Variants in SLC30A9 observed in about 807,000 individuals in gnomAD.
SLC30A9 encodes solute carrier family 30 member 9, also known as proton-coupled zinc antiporter SLC30A9, mitochondrial.
SLC30A9 carries 58 observed loss-of-function variants against 87.5 expected under a neutral mutation model. The ratio of observed to expected loss-of-function variants is 0.66; its 90% CI spans 0.54 to 0.82. The LOEUF is 0.82. Among genes scored for constraint, SLC30A9 ranks in the 40% least tolerant of loss-of-function variants. The probability of loss-of-function intolerance (pLI) is 0.00; values close to 1 mark genes in which losing one functional copy is unlikely to be tolerated. For missense variants in SLC30A9, 557 were observed against 679.1 expected, an observed-to-expected ratio of 0.82 and a Z score of 2.00; for synonymous variants, 234 against 233.0, an observed-to-expected ratio of 1.00 and a Z score of -0.04.
Position 42,065,332 on chromosome 4 carries a change from C to T in SLC30A9, c.1055C>T (p.Ser352Leu). The T allele has an allele frequency of 1.5e-6, 2 of 1,370,794 alleles. No homozygotes were observed. The highest frequency in any genetic ancestry group is 1.0e-6 in the Non-Finnish European group (1 of 961,838). The allele number at this position is 1,370,794 out of a possible 1,614,324, so 84.9% of individuals were successfully genotyped here. Reference sequence around the variant, plus strand: ...TAGGCATATTGTATTTTAGCAGGATCATTAGTATCTGAAGGAGGTATGTAC... The same window carrying T: ...TAGGCATATTGTATTTTAGCAGGATTATTAGTATCTGAAGGAGGTATGTAC... Reference protein sequence around the residue: ...LLWAYCILAGSLVSEGATLLV... With the variant: ...LLWAYCILAGLLVSEGATLLV... Residue 352 changes from serine to leucine, a missense_variant, in exon 12 of 18, where the codon TCA becomes TTA. Ser to Leu is a moderately radical substitution (Grantham distance 145). Coordinates refer to ENST00000264451, the MANE Select transcript of SLC30A9 (RefSeq NM_006345.4).
chr4:41,996,073 G>A (rs1179991043), intron 1 of SLC30A9, among the ~76,000 whole-genome samples: 1 of 151,946 alleles, frequency 6.6e-6, no homozygotes, highest in African/African-American at 2.4e-5. Flanking sequence ...GGGGTGGTAT[G>A]AAAATAAATT....
At chr4:42,062,017 A>C (rs1158905129) in intron 10 of SLC30A9, among the ~76,000 whole-genome samples, 1 of 151,810 alleles carries the variant, frequency 6.6e-6, no homozygotes, top group African/African-American at 2.4e-5. Flanking sequence ...CAACGTGGAG[A>C]AGCCCCGTCT....
intron 1 of SLC30A9, among the ~76,000 whole-genome samples, chr4:41,992,436 A>G (rs1218621082): frequency 6.6e-6 from 1 of 152,188 alleles, no homozygotes; most frequent in Non-Finnish European, 1.5e-5. Context: ...GTTTCTATTG[A>G]CCAAGCAATT....
intron 2 of SLC30A9, among the ~76,000 whole-genome samples, chr4:42,009,947 T>C (rs998175105): frequency 1.4e-4 from 22 of 152,190 alleles, no homozygotes; most frequent in Admixed American, 9.8e-4. Flanking sequence ...AGCTAAATTG[T>C]AAGAAATGGA....
rs972649337 is a variant in SLC30A9, at chr4:42,086,236, CT to C, written c.*118del. On this transcript the variant is annotated 3_prime_UTR_variant, in exon 18 of 18. Coordinates refer to ENST00000264451, the MANE Select transcript of SLC30A9 (RefSeq NM_006345.4). ...GAAAGACTCAGTGCCATGCAGAAGC[CT>C]TTTTTTTAAGATGAAGGAAATATTT... 2.6e-4 allele frequency: 145 copies of C among 565,448 alleles called. No individual in the cohort carries two copies. The highest frequency in any genetic ancestry group is 3.8e-4 in the South Asian group (10 of 26,600). 35.0% of individuals were successfully genotyped at this position (565,448 alleles called of 1,614,324 possible).
chr4:42,049,944 C>G (rs114534333), intron 9 of SLC30A9, among the ~76,000 whole-genome samples: 1 of 152,024 alleles, frequency 6.6e-6, no homozygotes, highest in Non-Finnish European at 1.5e-5. Context: ...AAACTAGAAA[C>G]CCAAAACTTT....
intron 12 of SLC30A9, 66 bp from the exon 13 acceptor site, chr4:42,066,484 G>T: frequency 1.0e-6 from 1 of 971,290 alleles, no homozygotes. Flanking sequence ...TATCTTTTGA[G>T]ATGCCATCTT....
At chr4:42,069,251 T>C (rs6815348) in intron 14 of SLC30A9, among the ~76,000 whole-genome samples, 106,143 of 152,126 alleles carry the variant, frequency 0.7, 39,472 homozygotes, top group East Asian at 0.96. Flanking sequence ...TCAAATCAAA[T>C]TTACAAAAAT....
At position 42,067,154 on chromosome 4, in the gene SLC30A9, T is replaced by A; in HGVS notation, c.1214T>A (p.Ile405Lys). The change falls in exon 14 of 18, where the codon ATA (isoleucine) becomes AAA (lysine). Residue 405 changes from isoleucine to lysine, a missense_variant. Ile to Lys is a moderately radical substitution (Grantham distance 102). Around this residue, in one of 2 missense-constraint regions of SLC30A9, gnomAD observed 467 missense variants for 529.8 expected, o/e 0.88. Coordinates refer to ENST00000264451, the MANE Select transcript of SLC30A9 (RefSeq NM_006345.4). ...GATACTGCTGCAGTCTTGGGAGTTA[T>A]AATAGCAGCCACTTGCATGGGCCTT... ...LEDTAAVLGV[I>K]IAATCMGLTS... 1 of 1,612,016 alleles carries A rather than the reference T, an allele frequency of 6.2e-7. No homozygotes were observed. Among genetic ancestry groups the A allele is most frequent in the South Asian group, 1.1e-5 (1 of 91,040 alleles).
At chr4:42,069,083 T>C (rs1423404124) in intron 14 of SLC30A9, among the ~76,000 whole-genome samples, 1 of 152,238 alleles carries the variant, frequency 6.6e-6, no homozygotes, top group Non-Finnish European at 1.5e-5. Context: ...ATCCAAAATA[T>C]TTGTAAAAAT....
intron 2 of SLC30A9, among the ~76,000 whole-genome samples, chr4:42,002,917 C>CT: frequency 6.6e-6 from 1 of 152,262 alleles, no homozygotes; most frequent in East Asian, 1.9e-4. Flanking sequence ...ACTAGCATCT[C>CT]TTGTTTTCTG....
chr4:42,011,005 C>T (rs1340704016), intron 2 of SLC30A9, among the ~76,000 whole-genome samples: 1 of 152,060 alleles, frequency 6.6e-6, no homozygotes, highest in East Asian at 1.9e-4. Flanking sequence ...CTGAAAATAG[C>T]TAATTCCAGT....
At chr4:42,033,898 C>G (rs1357063975) in intron 6 of SLC30A9, among the ~76,000 whole-genome samples, 1 of 152,178 alleles carries the variant, frequency 6.6e-6, no homozygotes, top group African/African-American at 2.4e-5. Context: ...TTACTTAACT[C>G]TGTCATGAGG....
intron 2 of SLC30A9, 22 bp from the exon 3 acceptor site, chr4:42,018,089 C>A: frequency 2.9e-6 from 4 of 1,378,134 alleles, no homozygotes; most frequent in Non-Finnish European, 3.1e-6. Context: ...TTAATGTAAA[C>A]TTCTTTTAAT....
rs1436598617 is a variant in SLC30A9, at chr4:42,089,206, G to A, written c.*3080G>A. The A allele has an allele frequency of 6.6e-6, 1 of 152,084 alleles. No homozygotes were observed. The highest frequency in any genetic ancestry group is 1.5e-5 in the Non-Finnish European group (1 of 68,022). 9.4% of individuals were successfully genotyped at this position (152,084 alleles called of 1,614,324 possible). On this transcript the variant is annotated 3_prime_UTR_variant, in exon 18 of 18. Coordinates refer to ENST00000264451, the MANE Select transcript of SLC30A9 (RefSeq NM_006345.4). ...AAAATCTAGGATTTATCAAAGGTGA[G>A]GTATACAGTGGTCCCTGACTTATAA...
At position 42,020,437 on chromosome 4, in the gene SLC30A9, G is replaced by T. The variant is rs2153135262; in HGVS notation, c.356G>T (p.Arg119Met). Residue 119 changes from arginine (R) to methionine (M), a missense_variant, in exon 4 of 18, where the codon AGG becomes ATG. By Grantham distance (91) the Arg-to-Met change is moderately conservative. This residue lies in a region of SLC30A9 where 467 missense variants were observed against 529.8 expected (regional missense o/e 0.88). Transcript: ENST00000264451. ...QVRVKAVLKK[R>M]EYGSKYTQNN... is the part of the protein sequence containing the mutation. ...TTAGTTAAAGCAGTCCTTAAGAAAA[G>T]GGAGTATGGCTCAAAGTACACTCAG... 1 of 1,561,282 alleles carries T rather than the reference G, an allele frequency of 6.4e-7. No homozygotes were observed. The highest frequency in any genetic ancestry group is 8.8e-7 in the Non-Finnish European group (1 of 1,134,804).
intron 8 of SLC30A9, among the ~76,000 whole-genome samples, chr4:42,044,276 A>G (rs1158125331): frequency 6.6e-6 from 1 of 152,056 alleles, no homozygotes. Context: ...AATTGGATAA[A>G]GAGTCAAGAC....
chr4:41,998,959 T>G (rs1484022228), intron 1 of SLC30A9, among the ~76,000 whole-genome samples: 1 of 152,200 alleles, frequency 6.6e-6, no homozygotes, highest in Non-Finnish European at 1.5e-5. Context: ...GAATTTCTAC[T>G]GGTGTTAAAA....
intron 9 of SLC30A9, among the ~76,000 whole-genome samples, chr4:42,056,109 T>TTATTTTTTATATAATGTTTTTTATAA (rs1717599410): frequency 2.0e-5 from 3 of 152,208 alleles, no homozygotes; most frequent in Non-Finnish European, 2.9e-5. Context: ...TGGTCCATAT[T>TTATTTTTTATATAATGTTTTTTATAA]CATTTTATAA....
Sources: gnomAD v4.1 joint callset for allele counts (sites outside exome capture counted in the v4.1 genomes callset) on GRCh38, gnomAD v4.1.1 for gene constraint, gnomAD v4.1.1 regional missense constraint, MANE v1.5 for transcripts, NCBI Gene and HGNC (gene_info 2026-07-23, HGNC 2026-07-21) for gene names.